CSMD1: variants seen among roughly 807,000 people sequenced by gnomAD.
CSMD1 encodes CUB and Sushi multiple domains 1.
A neutral mutation model predicts 417.5 loss-of-function variants in CSMD1; 213 were observed. That is an observed-to-expected ratio of 0.51 (90% CI 0.46 to 0.57). The LOEUF (loss-of-function observed/expected upper bound fraction) is 0.57, where lower values mean the gene tolerates loss of function less well. Ranked by LOEUF, CSMD1 falls within the 20% of genes least tolerant of loss-of-function variation. The pLI, the probability that CSMD1 is intolerant of heterozygous loss-of-function variation, is 0.00. For synonymous variants in CSMD1, 2,862 were observed against 1,736.8 expected (o/e 1.65, Z -16.11); for missense variants, 6,923 against 4,529.7 (o/e 1.53, Z -15.17).
chr8:3,949,744 C>G (rs975897705), intron 5 of CSMD1, among the ~76,000 whole-genome samples: 2 of 152,098 alleles, frequency 1.3e-5, no homozygotes, highest in African/African-American at 2.4e-5. Context: ...CTTGATCCCA[C>G]CAGGATCTCC....
chr8:4,775,654 C>T (rs191402830), intron 1 of CSMD1, among the ~76,000 whole-genome samples: 2 of 152,226 alleles, frequency 1.3e-5, no homozygotes, highest in Non-Finnish European at 2.9e-5. Context: ...TCAAAAACAT[C>T]ATCTTATGCT....
intron 2 of CSMD1, among the ~76,000 whole-genome samples, chr8:4,531,165 G>T (rs1160531968): frequency 6.6e-6 from 1 of 152,138 alleles, no homozygotes. Flanking sequence ...TGTAGGATCT[G>T]TCACCAAATG....
chr8:3,728,219 T>C (rs562635215), intron 6 of CSMD1, among the ~76,000 whole-genome samples: 3 of 152,092 alleles, frequency 2.0e-5, no homozygotes, highest in Non-Finnish European at 4.4e-5. Context: ...GATCTGATGG[T>C]TTTACAAAGG....
At chr8:3,750,629 G>A (rs1014839252) in intron 6 of CSMD1, among the ~76,000 whole-genome samples, 4 of 152,070 alleles carry the variant, frequency 2.6e-5, no homozygotes, top group African/African-American at 9.7e-5. Context: ...GTATAGACAA[G>A]AGGGAAGATT....
intron 3 of CSMD1, among the ~76,000 whole-genome samples, chr8:4,337,604 A>G (rs1184854507): frequency 6.6e-6 from 1 of 152,176 alleles, no homozygotes; most frequent in Non-Finnish European, 1.5e-5. Context: ...TTCTGTGGAC[A>G]GTAAATATTT....
At chr8:4,037,215 T>C (rs1443154283) in intron 3 of CSMD1, among the ~76,000 whole-genome samples, 2 of 152,254 alleles carry the variant, frequency 1.3e-5, no homozygotes, top group South Asian at 2.1e-4. Context: ...ATTTTGTAGA[T>C]GTTTTCTATG....
chr8:4,444,589 A>AT (rs1798672089), intron 2 of CSMD1, among the ~76,000 whole-genome samples: 1 of 152,088 alleles, frequency 6.6e-6, no homozygotes, highest in African/African-American at 2.4e-5. Flanking sequence ...AGAACATGAA[A>AT]TGCTGAGCAT....
chr8:4,018,599 C>T (rs191915865), intron 4 of CSMD1, among the ~76,000 whole-genome samples: 1 of 152,308 alleles, frequency 6.6e-6, no homozygotes, highest in East Asian at 1.9e-4. Flanking sequence ...ACCCCCTGCC[C>T]CACTCAGACT....
chr8:4,708,776 G>A (rs1489855067), intron 1 of CSMD1, among the ~76,000 whole-genome samples: 2 of 152,214 alleles, frequency 1.3e-5, no homozygotes, highest in South Asian at 2.1e-4. Flanking sequence ...GACTATATTT[G>A]GAGAGAAGAT....
chr8:3,382,635 C>G (rs1195236553), intron 18 of CSMD1, among the ~76,000 whole-genome samples: 1 of 142,898 alleles, frequency 7.0e-6, no homozygotes, highest in Non-Finnish European at 1.5e-5. Flanking sequence ...ATAAATATCT[C>G]TCTCTATATA....
intron 2 of CSMD1, among the ~76,000 whole-genome samples, chr8:4,521,416 A>G (rs1440082101): frequency 6.6e-6 from 1 of 152,180 alleles, no homozygotes; most frequent in Non-Finnish European, 1.5e-5. Flanking sequence ...AGCCTGTATT[A>G]TTTGTATTTT....
chr8:4,817,328 T>C (rs1563482088), intron 1 of CSMD1, among the ~76,000 whole-genome samples: 1 of 152,162 alleles, frequency 6.6e-6, no homozygotes, highest in Non-Finnish European at 1.5e-5. Flanking sequence ...TTCTTCAAGC[T>C]CACATTTTTA....
chr8:3,186,464 C>A (rs896823758), intron 36 of CSMD1, among the ~76,000 whole-genome samples: 9 of 152,122 alleles, frequency 5.9e-5, no homozygotes, highest in Admixed American at 3.3e-4. Flanking sequence ...TAGATTGGCA[C>A]TTTATTCCCA....
intron 5 of CSMD1, among the ~76,000 whole-genome samples, chr8:3,965,508 A>G (rs549256698): frequency 2.6e-5 from 4 of 152,370 alleles, no homozygotes; most frequent in South Asian, 4.1e-4. Context: ...TTGAAAAACT[A>G]TGGTTCGGCT....
chr8:4,670,319 A>G (rs892854064), intron 1 of CSMD1, among the ~76,000 whole-genome samples: 8 of 152,128 alleles, frequency 5.3e-5, no homozygotes, highest in African/African-American at 1.9e-4. Flanking sequence ...GCCCTAGGGA[A>G]TAGCTGACTT....
intron 5 of CSMD1, among the ~76,000 whole-genome samples, chr8:3,929,180 G>C (rs1172797030): frequency 1.3e-5 from 2 of 150,238 alleles, no homozygotes; most frequent in South Asian, 2.2e-4. Flanking sequence ...AAGAGTGCAA[G>C]GCTGAGGAAA....
intron 5 of CSMD1, among the ~76,000 whole-genome samples, chr8:3,866,483 A>C (rs1049459063): frequency 6.6e-6 from 1 of 152,154 alleles, no homozygotes; most frequent in Non-Finnish European, 1.5e-5. Flanking sequence ...TATTTTACAC[A>C]TTTCCTGTTG....
intron 31 of CSMD1, among the ~76,000 whole-genome samples, chr8:3,202,793 T>A (rs191635674): frequency 6.6e-6 from 1 of 152,318 alleles, no homozygotes; most frequent in Non-Finnish European, 1.5e-5. Context: ...TACATATATT[T>A]ATGTAACCAA....
chr8:3,145,675 C>G (rs181794859), intron 40 of CSMD1, among the ~76,000 whole-genome samples: 11 of 152,288 alleles, frequency 7.2e-5, no homozygotes, highest in Non-Finnish European at 1.3e-4. Context: ...ATCTAGCTAT[C>G]TAATTTTCAG....
Sources: gnomAD v4.1 joint callset for allele counts (sites outside exome capture counted in the v4.1 genomes callset) on GRCh38, gnomAD v4.1.1 for gene constraint, MANE v1.5 for transcripts, NCBI Gene and HGNC (gene_info 2026-07-23, HGNC 2026-07-21) for gene names.